The following TTC12 variants were observed in gnomAD, a reference collection of about 807,000 sequenced individuals.
TTC12 encodes tetratricopeptide repeat protein 12.
TTC12 carries 70 observed loss-of-function variants against 90.1 expected under a neutral mutation model. The observed-to-expected ratio is 0.78, with a 90% CI of 0.64 to 0.95. The LOEUF is 0.95. TTC12 is among the 40% of genes least tolerant of loss of function. TTC12 has a pLI of 0.00. For synonymous variants in TTC12, 296 were observed against 311.5 expected (o/e 0.95, Z 0.53); for missense variants, 819 against 846.1 (o/e 0.97, Z 0.40).
downstream of TTC12, among the ~76,000 whole-genome samples, chr11:113,370,699 G>T (rs573335149): frequency 6.6e-6 from 1 of 152,332 alleles, no homozygotes; most frequent in South Asian, 2.1e-4. Flanking sequence ...GCAAAGCAGG[G>T]AACAGTGGGC....
In TTC12 at chr11:113,352,438, ATTATTTAT is replaced by A. The variant is rs549245546; in HGVS notation, c.1446+249_1446+256del. Among the ~76,000 whole-genome samples, 40 of 151,836 alleles carry A rather than the reference ATTATTTAT, an allele frequency of 2.6e-4. No homozygotes were observed. The South Asian group carries it at 3.5e-3, about 13-fold the overall frequency. On this transcript the variant is annotated intron_variant, in intron 16 of 21. Coordinates refer to ENST00000529221, the MANE Select transcript of TTC12 (RefSeq NM_017868.4). ...GAAGGATTTTTTTTAATTTTTAAAA[ATTATTTAT>A]TTATTTATTTATTTATTATTTAACT...
intron 2 of TTC12, among the ~76,000 whole-genome samples, chr11:113,316,987 G>C (rs1422428642): frequency 2.0e-5 from 3 of 152,218 alleles, no homozygotes; most frequent in Admixed American, 1.3e-4. Flanking sequence ...TGAAATTGCT[G>C]CTTGTAGCAG....
At chr11:113,368,788 T>A, downstream of TTC12, 1 of 486,622 alleles carries the variant, frequency 2.1e-6, no homozygotes, top group African/African-American at 1.9e-5. Flanking sequence ...TGAGGGGAAG[T>A]ATGACTAAGA....
chr11:113,342,451 A>T (rs1446800509), intron 12 of TTC12, among the ~76,000 whole-genome samples: 1 of 152,046 alleles, frequency 6.6e-6, no homozygotes, highest in Non-Finnish European at 1.5e-5. Flanking sequence ...TTTCTTAATC[A>T]CTTTTGTAAC....
At chr11:113,359,166 A>G (rs1555153626) in intron 16 of TTC12, among the ~76,000 whole-genome samples, 197 bp from the exon 17 acceptor site, 1 of 151,866 alleles carries the variant, frequency 6.6e-6, no homozygotes, top group Non-Finnish European at 1.5e-5. Flanking sequence ...TGGCAGAGGC[A>G]CCAGAGACTC....
intron 7 of TTC12, among the ~76,000 whole-genome samples, chr11:113,334,724 T>C (rs1948261588): frequency 6.6e-6 from 1 of 151,962 alleles, no homozygotes; most frequent in African/African-American, 2.4e-5. Flanking sequence ...TTGCATCTCA[T>C]TAAATGGAAA....
In TTC12 at chr11:113,359,382, T is replaced by C; in HGVS notation, c.1466T>C (p.Val489Ala). 1 of 1,611,322 alleles carries C rather than the reference T, an allele frequency of 6.2e-7. No homozygotes were observed. The highest frequency in any genetic ancestry group is 8.5e-7 in the Non-Finnish European group (1 of 1,177,884). ...LSLLARCEEDVDLFREVIYTL... is the reference protein window; with the variant it reads ...LSLLARCEEDADLFREVIYTL... ...CCCAAGGCCAGGTGTGAGGAGGATG[T>C]GGACCTGTTCAGAGAGGTTATCTAC... The change falls in exon 17 of 22, where the codon GTG (valine) becomes GCG (alanine). Residue 489 changes from valine to alanine, a missense_variant. By Grantham distance (64) the Val-to-Ala change is moderately conservative (BLOSUM62 0). Coordinates refer to ENST00000529221, the MANE Select transcript of TTC12 (RefSeq NM_017868.4).
rs368492792 is a variant in TTC12 at position 113,351,271 on chromosome 11, G to A, written c.1280G>A (p.Gly427Asp). 6 of 1,613,996 alleles carry A rather than the reference G, an allele frequency of 3.7e-6. No homozygotes were observed. The African/African-American group carries it at 6.7e-5, about 18-fold the overall frequency. The change falls in exon 15 of 22, where the codon GGT (glycine) becomes GAT (aspartate). Residue 427 changes from glycine to aspartate, a missense_variant. Transcript: ENST00000529221. ...FQVWFQANLP[G>D]VLPALTGVLK... ...GTCTGGTTCCAGGCCAACCTTCCAG[G>A]TGTTCTCCCTGCACTCACAGGCGTT...
Position 113,344,658 on chromosome 11 carries a change from G to A in TTC12, c.1154+218G>A, listed in dbSNP as rs147994661. Among the ~76,000 whole-genome samples, 908 of 152,246 alleles carry A rather than the reference G, an allele frequency of 6.0e-3. 5 individuals are homozygous for A. The highest frequency in any genetic ancestry group is 0.021 in the African/African-American group (857 of 41,550). On this transcript the variant is annotated intron_variant, in intron 13 of 21. Transcript: ENST00000529221. ...TTCACTTCTCCTGAGCAACTGGCTC[G>A]TCCCCATCCCACAAATGGTGCAAAT...
Position 113,323,428 on chromosome 11 carries a change from A to C in TTC12, c.199A>C (p.Ser67Arg). 1 of 1,596,586 alleles carries C rather than the reference A, an allele frequency of 6.3e-7. No homozygotes were observed. Among genetic ancestry groups the C allele is most frequent in the Non-Finnish European group, 8.5e-7 (1 of 1,175,134 alleles). Reference protein sequence around the residue: ...CRTTLNKTMISPPQTAMKSAE... With the variant: ...CRTTLNKTMIRPPQTAMKSAE... ...GACCACCTTGAACAAGACTATGATC[A>C]GTCCTCCACAAACTGCTATGAAGGT... The change falls in exon 3 of 22, where the codon AGT (serine) becomes CGT (arginine). Residue 67 changes from serine to arginine, a missense_variant. By Grantham distance (110) the Ser-to-Arg change is moderately radical. Transcript: ENST00000529221.
chr11:113,350,751 G>A (rs1555149891), intron 14 of TTC12, among the ~76,000 whole-genome samples: 1 of 152,198 alleles, frequency 6.6e-6, no homozygotes, highest in African/African-American at 2.4e-5. Flanking sequence ...AGGACACCTT[G>A]CTTAGAGATG....
At chr11:113,370,711 G>T (rs186522603), downstream of TTC12, among the ~76,000 whole-genome samples, 1 of 152,314 alleles carries the variant, frequency 6.6e-6, no homozygotes, top group African/African-American at 2.4e-5. Flanking sequence ...ACAGTGGGCT[G>T]CCGATTACCT....
In TTC12 at chr11:113,359,439, T is replaced by C. The variant is rs1462698511; in HGVS notation, c.1523T>C (p.Leu508Pro). ...TLLGLMMNLC[L>P]QAPFVSEVWA... is the part of the protein sequence containing the mutation. ...CTGGGACTCATGATGAACCTGTGTC[T>C]TCAGGCTCCCTTTGTCTCTGAGGTA... The change falls in exon 17 of 22, where the codon CTT (leucine) becomes CCT (proline). Residue 508 changes from leucine (L) to proline (P), a missense_variant. By Grantham distance (98) the Leu-to-Pro change is moderately conservative. Transcript: ENST00000529221. The C allele has an allele frequency of 1.9e-6, 3 of 1,613,144 alleles. No homozygotes were observed. The highest frequency in any genetic ancestry group is 2.5e-6 in the Non-Finnish European group (3 of 1,179,090).
chr11:113,368,492 AGAG>A (rs1950285832), downstream of TTC12: 3 of 1,550,486 alleles, frequency 1.9e-6, no homozygotes, highest in Non-Finnish European at 2.6e-6. Flanking sequence ...TTCAACAAGC[AGAG>A]GAGCTGGGAT....
intron 7 of TTC12, among the ~76,000 whole-genome samples, chr11:113,334,164 C>G (rs1345252175): frequency 1.3e-5 from 2 of 152,188 alleles, no homozygotes; most frequent in Non-Finnish European, 2.9e-5. Context: ...ATATCTAAAC[C>G]TTTGAAGGGC....
In TTC12 at chr11:113,314,592, T is replaced by A. The variant is rs1565560325; in HGVS notation, c.-42T>A. ...CCAGCCCAGGCAGGTCACTGCGCCA[T>A]TTCCTGTCCAAAGCTGGGCGAATCA... On this transcript the variant is annotated 5_prime_UTR_variant, in exon 1 of 22. Transcript: ENST00000529221. 1 of 153,006 alleles carries A rather than the reference T, an allele frequency of 6.5e-6. No homozygotes were observed. The highest frequency in any genetic ancestry group is 1.5e-5 in the Non-Finnish European group (1 of 68,718). 9.5% of individuals were successfully genotyped at this position (153,006 alleles called of 1,614,324 possible). A position where few individuals can be genotyped will look rare whatever the true frequency, so the allele number is the denominator to read the frequency against.
At chr11:113,349,858 T>C (rs542235093) in intron 13 of TTC12, among the ~76,000 whole-genome samples, 1 of 152,330 alleles carries the variant, frequency 6.6e-6, no homozygotes, top group East Asian at 1.9e-4. Flanking sequence ...TTCAGCATTC[T>C]GGGGATTCAC....
At chr11:113,351,668 A>C (rs1402854705) in intron 15 of TTC12, among the ~76,000 whole-genome samples, 1 of 152,234 alleles carries the variant, frequency 6.6e-6, no homozygotes, top group Admixed American at 6.5e-5. Flanking sequence ...CTGATAAGGC[A>C]GTGAATAGTG....
chr11:113,356,716 T>A (rs1175789536), intron 16 of TTC12, among the ~76,000 whole-genome samples: 1 of 152,166 alleles, frequency 6.6e-6, no homozygotes, highest in Non-Finnish European at 1.5e-5. Context: ...AAATTCTGGG[T>A]TGGAATTTAT....
Sources: allele counts gnomAD v4.1 joint callset (sites outside exome capture counted in the v4.1 genomes callset), GRCh38; gene constraint gnomAD v4.1.1; transcripts MANE v1.5; gene names NCBI Gene and HGNC (gene_info 2026-07-23, HGNC 2026-07-21).